Variants in TMEM132D observed in about 807,000 individuals in gnomAD.
TMEM132D encodes transmembrane protein 132D.
Under a neutral mutation model 62.3 loss-of-function variants are expected in TMEM132D, and 21 were observed. That is an observed-to-expected ratio of 0.34 (90% CI 0.24 to 0.49). The LOEUF (loss-of-function observed/expected upper bound fraction) is 0.49, where lower values mean the gene tolerates loss of function less well. Ranked by LOEUF, TMEM132D falls within the 20% of genes least tolerant of loss-of-function variation. The pLI, the probability that TMEM132D is intolerant of heterozygous loss-of-function variation, is 0.99. For synonymous variants in TMEM132D, 621 were observed against 575.6 expected (o/e 1.08, Z -1.13); for missense variants, 1,346 against 1,402.8 (o/e 0.96, Z 0.65).
chr12:129,901,431 T>G (rs1403841134), intron 1 of TMEM132D, among the ~76,000 whole-genome samples: 1 of 152,222 alleles, frequency 6.6e-6, no homozygotes, highest in African/African-American at 2.4e-5. Flanking sequence ...CTGAATCATC[T>G]ACCATGTGCT....
At chr12:129,555,489 C>T (rs1434113273) in intron 2 of TMEM132D, among the ~76,000 whole-genome samples, 1 of 152,156 alleles carries the variant, frequency 6.6e-6, no homozygotes, top group Non-Finnish European at 1.5e-5. Flanking sequence ...GCTAGGGAAG[C>T]AACCATACAT....
chr12:129,863,240 A>C (rs777751905), intron 1 of TMEM132D, among the ~76,000 whole-genome samples: 6 of 152,176 alleles, frequency 3.9e-5, no homozygotes, highest in Non-Finnish European at 8.8e-5. Context: ...ATTTGTGGAC[A>C]GTGCTAAGGA....
intron 1 of TMEM132D, among the ~76,000 whole-genome samples, chr12:129,773,096 G>T (rs1000568087): frequency 6.6e-6 from 1 of 152,232 alleles, no homozygotes; most frequent in Admixed American, 6.5e-5. Flanking sequence ...CCACTCCTGG[G>T]TATGCAAGGA....
At chr12:129,144,193 A>G (rs1876824985) in intron 5 of TMEM132D, among the ~76,000 whole-genome samples, 1 of 152,052 alleles carries the variant, frequency 6.6e-6, no homozygotes, top group Non-Finnish European at 1.5e-5. Flanking sequence ...GTTAAGCCCC[A>G]AACCGCTAGA....
At chr12:129,077,952 C>A (rs1490271442) in intron 8 of TMEM132D, among the ~76,000 whole-genome samples, 1 of 152,176 alleles carries the variant, frequency 6.6e-6, no homozygotes, top group Non-Finnish European at 1.5e-5. Context: ...ACACAACACA[C>A]AAAACACACT....
chr12:129,299,952 A>G (rs1178311674), intron 4 of TMEM132D, among the ~76,000 whole-genome samples: 2 of 152,190 alleles, frequency 1.3e-5, no homozygotes, highest in Non-Finnish European at 2.9e-5. Flanking sequence ...TTGAAATCTG[A>G]TATTATTCAA....
chr12:129,899,296 G>GATGC (rs1160123241), intron 1 of TMEM132D, among the ~76,000 whole-genome samples: 1 of 109,460 alleles, frequency 9.1e-6, no homozygotes, highest in African/African-American at 3.3e-5. Flanking sequence ...TGGATGGATG[G>GATGC]ATGCATGCAT....
chr12:129,407,453 A>T (rs999959619), intron 3 of TMEM132D, among the ~76,000 whole-genome samples: 32 of 152,176 alleles, frequency 2.1e-4, no homozygotes, highest in African/African-American at 7.5e-4. Flanking sequence ...TCCGTTATTT[A>T]TTTTATCAGA....
At chr12:129,456,789 G>T (rs1261474817) in intron 3 of TMEM132D, among the ~76,000 whole-genome samples, 1 of 152,102 alleles carries the variant, frequency 6.6e-6, no homozygotes, top group Non-Finnish European at 1.5e-5. Context: ...TCGGGTTCCT[G>T]GTTTTGTGTT....
chr12:129,314,097 G>T (rs1868401683), intron 4 of TMEM132D, among the ~76,000 whole-genome samples: 1 of 152,068 alleles, frequency 6.6e-6, no homozygotes, highest in African/African-American at 2.4e-5. Context: ...GTAGATTCTG[G>T]ATATCAGTCC....
intron 4 of TMEM132D, among the ~76,000 whole-genome samples, chr12:129,233,704 G>A (rs1327574154): frequency 6.6e-6 from 1 of 151,984 alleles, no homozygotes; most frequent in East Asian, 1.9e-4. Context: ...TCAGCTCACT[G>A]CAACCTTTGC....
intron 5 of TMEM132D, among the ~76,000 whole-genome samples, chr12:129,166,671 G>A (rs1565984427): frequency 7.7e-6 from 1 of 130,700 alleles, no homozygotes; most frequent in African/African-American, 2.8e-5. Flanking sequence ...GACTACGCAA[G>A]GACATATATA....
chr12:129,349,061 C>T (rs1442181925), intron 3 of TMEM132D, among the ~76,000 whole-genome samples: 4 of 152,194 alleles, frequency 2.6e-5, no homozygotes, highest in African/African-American at 9.6e-5. Context: ...TTAAGCTGCT[C>T]TTCAGGGACT....
intron 2 of TMEM132D, among the ~76,000 whole-genome samples, chr12:129,640,594 G>T (rs1194429287): frequency 6.6e-6 from 1 of 152,118 alleles, no homozygotes; most frequent in Non-Finnish European, 1.5e-5. Context: ...ATCTAGGAGG[G>T]ACCTGGAGAG....
intron 1 of TMEM132D, among the ~76,000 whole-genome samples, chr12:129,711,334 T>C (rs536256261): frequency 6.6e-6 from 1 of 152,194 alleles, no homozygotes; most frequent in Non-Finnish European, 1.5e-5. Flanking sequence ...GTGATAAATA[T>C]ATCTAGAATC....
At chr12:129,875,132 C>T (rs765381029) in intron 1 of TMEM132D, among the ~76,000 whole-genome samples, 9 of 152,334 alleles carry the variant, frequency 5.9e-5, no homozygotes, top group South Asian at 2.1e-4. Context: ...TGCACCAAGA[C>T]GACAATTGAG....
At chr12:129,671,483 C>T (rs1880499352) in intron 2 of TMEM132D, among the ~76,000 whole-genome samples, 5 of 152,118 alleles carry the variant, frequency 3.3e-5, no homozygotes, top group Admixed American at 1.3e-4. Flanking sequence ...ACACCAGCTG[C>T]TTAAGTCAAT....
chr12:129,085,204 G>A (rs1874579222), intron 5 of TMEM132D: 1 of 164,910 alleles, frequency 6.1e-6, no homozygotes, highest in Admixed American at 6.3e-5. Flanking sequence ...ACCTGGACCT[G>A]ACCTTGCTTA....
At chr12:129,704,709 A>G (rs1285869122) in intron 1 of TMEM132D, among the ~76,000 whole-genome samples, 1 of 152,214 alleles carries the variant, frequency 6.6e-6, no homozygotes, top group Admixed American at 6.5e-5. Flanking sequence ...TGCAACGCCA[A>G]TGTAAACAAG....
Sources: allele counts gnomAD v4.1 joint callset (sites outside exome capture counted in the v4.1 genomes callset), GRCh38; gene constraint gnomAD v4.1.1; transcripts MANE v1.5; gene names NCBI Gene and HGNC (gene_info 2026-07-23, HGNC 2026-07-21).